The following NANOS3 variants were observed in gnomAD, a reference collection of about 807,000 sequenced individuals.
The protein encoded by NANOS3 is nanos homolog 3.
NANOS3 carries 11 observed loss-of-function variants against 13.8 expected under a neutral mutation model. The ratio of observed to expected loss-of-function variants is 0.80; its 90% CI spans 0.50 to 1.32. The LOEUF is 1.32. Among genes scored for constraint, NANOS3 ranks in the 40% most tolerant of loss-of-function variants. NANOS3 has a pLI of 0.00. For synonymous variants in NANOS3, 119 were observed against 115.4 expected (o/e 1.03, Z -0.20); for missense variants, 221 against 263.8 (o/e 0.84, Z 1.12).
At chr19:13,868,184 G>A (rs527455242) in intron 1 of NANOS3, among the ~76,000 whole-genome samples, 6 of 151,642 alleles carry the variant, frequency 4.0e-5, no homozygotes, top group East Asian at 2.0e-4. Flanking sequence ...TCAGCCTCTC[G>A]AGTAGCTGGG....
chr19:13,876,459 C>A (rs1307115211), upstream of NANOS3, among the ~76,000 whole-genome samples: 1 of 152,222 alleles, frequency 6.6e-6, no homozygotes, highest in Non-Finnish European at 1.5e-5. Flanking sequence ...CACTCCCTGG[C>A]CTGGTGCATG....
Position 13,877,357 on chromosome 19 carries a change from G to C in NANOS3, c.109G>C (p.Glu37Gln). 1.9e-6 allele frequency: 3 copies of C among 1,612,764 alleles called. No homozygotes were observed. Among genetic ancestry groups the C allele is most frequent in the Non-Finnish European group, 2.5e-6 (3 of 1,180,020 alleles). ...CAGGCTGAGCCCCCAGCCAGAGCCA[G>C]AGCCAATGCTGGAGCCGGTGTCAGC... The part of the protein sequence containing the change: ...ETRLSPQPEP[E>Q]PMLEPVSALE... Residue 37 changes from glutamate (E) to glutamine (Q), a missense_variant, in exon 1 of 2, where the codon GAG becomes CAG. Around this residue, in one of 3 missense-constraint regions of NANOS3, gnomAD observed 112 missense variants for 116.3 expected, o/e 0.96. Coordinates refer to ENST00000339133, the MANE Select transcript of NANOS3 (RefSeq NM_001098622.3).
chr19:13,869,242 G>T (rs1179320971), intron 1 of NANOS3, among the ~76,000 whole-genome samples: 3 of 152,082 alleles, frequency 2.0e-5, no homozygotes, highest in Non-Finnish European at 4.4e-5. Flanking sequence ...TTGAACTCCT[G>T]GGCTCAAGTG....
Position 13,877,230 on chromosome 19 carries a change from T to C in NANOS3, c.-19T>C. ...ACTTGTCTCTGTGACTCCTTCCGCC[T>C]GGCACATGCTGCCCAGCTATGGGGA... is the stretch of plus-strand genomic sequence containing the variant. On this transcript the variant is annotated 5_prime_UTR_variant, in exon 1 of 2. Coordinates refer to ENST00000339133, the MANE Select transcript of NANOS3 (RefSeq NM_001098622.3). 6.3e-7 allele frequency: 1 copy of C among 1,590,868 alleles called. No homozygotes were observed. Among genetic ancestry groups the C allele is most frequent in the Non-Finnish European group, 8.6e-7 (1 of 1,164,716 alleles).
upstream of NANOS3, among the ~76,000 whole-genome samples, chr19:13,873,268 T>C (rs186228554): frequency 2.0e-4 from 5 of 25,020 alleles, no homozygotes; most frequent in African/African-American, 8.0e-4. Context: ...AGACTGTGGG[T>C]GGGGCTCTCG....
chr19:13,863,656 C>T (rs1485715513), upstream of NANOS3, among the ~76,000 whole-genome samples: 1 of 152,166 alleles, frequency 6.6e-6, no homozygotes, highest in Non-Finnish European at 1.5e-5. Context: ...CATTCTCTCC[C>T]CTGCACGTGT....
chr19:13,871,923 T>A (rs1271805735), intron 1 of NANOS3, among the ~76,000 whole-genome samples: 2 of 152,094 alleles, frequency 1.3e-5, no homozygotes, highest in African/African-American at 2.4e-5. Flanking sequence ...TGGTTGGGGC[T>A]GGGAGGTCGA....
upstream of NANOS3, among the ~76,000 whole-genome samples, chr19:13,864,887 C>A (rs1976208513): frequency 6.6e-6 from 1 of 152,092 alleles, no homozygotes; most frequent in Non-Finnish European, 1.5e-5. Flanking sequence ...CGTCCCGCCA[C>A]CCCCTCCCTT....
chr19:13,866,437 G>A (rs1176829735), intron 1 of NANOS3, among the ~76,000 whole-genome samples: 1 of 151,990 alleles, frequency 6.6e-6, no homozygotes, highest in Non-Finnish European at 1.5e-5. Flanking sequence ...CCAAGGCCCT[G>A]ATGGAGACCC....
chr19:13,876,219 A>C (rs1273748966), upstream of NANOS3, among the ~76,000 whole-genome samples: 1 of 151,802 alleles, frequency 6.6e-6, no homozygotes, highest in African/African-American at 2.4e-5. Context: ...GCTCACCGCA[A>C]CCTCTGCCTC....
At chr19:13,874,205 C>CGCTGTTGTGA (rs1300914102), upstream of NANOS3, among the ~76,000 whole-genome samples, 1 of 152,160 alleles carries the variant, frequency 6.6e-6, no homozygotes, top group African/African-American at 2.4e-5. Context: ...GCTCCACTCA[C>CGCTGTTGTGA]GCTGTTGTGA....
At chr19:13,871,933 A>G (rs1014204099) in intron 1 of NANOS3, among the ~76,000 whole-genome samples, 1 of 152,226 alleles carries the variant, frequency 6.6e-6, no homozygotes, top group Non-Finnish European at 1.5e-5. Flanking sequence ...TGGGAGGTCG[A>G]GGCTGCAGTG....
intron 1 of NANOS3, among the ~76,000 whole-genome samples, chr19:13,871,346 C>T (rs1976324705): frequency 6.6e-6 from 1 of 152,106 alleles, no homozygotes; most frequent in South Asian, 2.1e-4. Flanking sequence ...GACAGACGAC[C>T]CTGGGATGAC....
chr19:13,877,227 G>T lies in NANOS3; in HGVS notation c.-22G>T. ...GTTACTTGTCTCTGTGACTCCTTCC[G>T]CCTGGCACATGCTGCCCAGCTATGG... On this transcript the variant is annotated 5_prime_UTR_variant, in exon 1 of 2. Coordinates refer to ENST00000339133, the MANE Select transcript of NANOS3 (RefSeq NM_001098622.3). 1.3e-6 allele frequency: 2 copies of T among 1,587,526 alleles called. 1 individual carries two copies. Among genetic ancestry groups the T allele is most frequent in the South Asian group, 2.2e-5 (2 of 89,206 alleles).
At chr19:13,869,773 C>T (rs555008782) in intron 1 of NANOS3, among the ~76,000 whole-genome samples, 7 of 150,164 alleles carry the variant, frequency 4.7e-5, no homozygotes, top group African/African-American at 9.8e-5. Context: ...CACACACGCA[C>T]GCACACACAC....
chr19:13,869,990 C>T lies in NANOS3; in HGVS notation n.21+4553C>T, dbSNP rs771607067. On this transcript the variant is annotated intron_variant and non_coding_transcript_variant, in intron 1 of 2. Transcript: ENST00000591161. ...AGAATCACGGGCAGGACACACGGGC[C>T]GCCAGACACCCCTGGGAGCTTGGAG... is the stretch of plus-strand genomic sequence containing the variant. Among the ~76,000 whole-genome samples, 6 of 152,066 alleles carry T rather than the reference C, an allele frequency of 3.9e-5. No individual in the cohort carries two copies. The East Asian group carries it at 9.7e-4, about 25-fold the overall frequency.
intron 1 of NANOS3, among the ~76,000 whole-genome samples, chr19:13,868,683 TAAAA>T (rs34546663): frequency 1.4e-5 from 2 of 142,148 alleles, no homozygotes; most frequent in South Asian, 4.6e-4. Context: ...TAGTCTCTTT[TAAAA>T]AAAAAAAAAA....
chr19:13,869,874 C>T (rs1025687553), intron 1 of NANOS3, among the ~76,000 whole-genome samples: 1 of 151,970 alleles, frequency 6.6e-6, no homozygotes, highest in African/African-American at 2.4e-5. Context: ...CAGAGACACC[C>T]CCAACCCCCA....
At chr19:13,874,502 C>T (rs748290458), upstream of NANOS3, among the ~76,000 whole-genome samples, 2 of 152,224 alleles carry the variant, frequency 1.3e-5, no homozygotes, top group African/African-American at 4.8e-5. Flanking sequence ...TGCTACATCT[C>T]CATCCCCATA....
Sources: allele counts gnomAD v4.1 joint callset (sites outside exome capture counted in the v4.1 genomes callset), GRCh38; gene constraint gnomAD v4.1.1; regional missense constraint gnomAD v4.1.1; transcripts MANE v1.5; gene names NCBI Gene and HGNC (gene_info 2026-07-23, HGNC 2026-07-21).